Variants in MTA3 observed in about 807,000 individuals in gnomAD.
MTA3 encodes the protein metastasis-associated protein MTA3.
A neutral mutation model predicts 83.5 loss-of-function variants in MTA3; 34 were observed. That is an observed-to-expected ratio of 0.41 (90% CI 0.31 to 0.54). MTA3 has a LOEUF of 0.54. Ranked by LOEUF, MTA3 falls within the 20% of genes least tolerant of loss-of-function variation. The pLI, the probability that MTA3 is intolerant of heterozygous loss-of-function variation, is 0.33. For synonymous variants in MTA3, 303 were observed against 252.7 expected (o/e 1.20, Z -1.89); for missense variants, 761 against 726.4 (o/e 1.05, Z -0.55).
intron 3 of MTA3, among the ~76,000 whole-genome samples, chr2:42,582,262 G>T (rs1366797474): frequency 1.3e-5 from 2 of 152,004 alleles, no homozygotes; most frequent in Admixed American, 1.3e-4. Flanking sequence ...GTTTCACCGC[G>T]TTAGCCAGGA....
chr2:42,605,135 G>C (rs2104026972), intron 3 of MTA3, among the ~76,000 whole-genome samples: 1 of 149,792 alleles, frequency 6.7e-6, no homozygotes, highest in East Asian at 2.0e-4. Context: ...GGGCAGAGGG[G>C]CTCCTCACTT....
At chr2:42,709,686 A>G (rs185612829) in intron 14 of MTA3, 1 of 152,402 alleles carries the variant, frequency 6.6e-6, no homozygotes, top group East Asian at 1.9e-4. Context: ...AGTAAATTTT[A>G]AACTCATTTT....
chr2:42,498,122 A>G (rs765600729), intron 2 of MTA3, among the ~76,000 whole-genome samples: 1 of 152,204 alleles, frequency 6.6e-6, no homozygotes, highest in Non-Finnish European at 1.5e-5. Context: ...CAGCTTACTT[A>G]TCAACTCTGT....
intron 3 of MTA3, among the ~76,000 whole-genome samples, chr2:42,582,396 G>A (rs915319288): frequency 1.3e-5 from 2 of 152,152 alleles, no homozygotes; most frequent in African/African-American, 4.8e-5. Flanking sequence ...GTTGTAAATG[G>A]TGAATAAAAT....
At chr2:42,517,027 A>C (rs1172814099) in intron 2 of MTA3, among the ~76,000 whole-genome samples, 2 of 152,140 alleles carry the variant, frequency 1.3e-5, no homozygotes, top group Non-Finnish European at 2.9e-5. Flanking sequence ...TGGGAGGCCG[A>C]GGCGGGCAGA....
At chr2:42,544,590 T>C (rs566185976) in intron 2 of MTA3, among the ~76,000 whole-genome samples, 1 of 150,712 alleles carries the variant, frequency 6.6e-6, no homozygotes, top group Admixed American at 6.6e-5. Flanking sequence ...TCAGAGCAAG[T>C]GTTGGCCAGG....
chr2:42,562,453 A>C (rs1677713681), intron 2 of MTA3, among the ~76,000 whole-genome samples: 1 of 152,090 alleles, frequency 6.6e-6, no homozygotes, highest in Non-Finnish European at 1.5e-5. Context: ...AGGGCTGGGA[A>C]GAAGGAGTGA....
chr2:42,720,877 A>G (rs1667353729), intron 15 of MTA3, among the ~76,000 whole-genome samples: 1 of 146,454 alleles, frequency 6.8e-6, no homozygotes, highest in Admixed American at 7.1e-5. Flanking sequence ...GCTTGAGCCC[A>G]GGAGGCAGAG....
At chr2:42,639,428 T>A (rs752984580) in intron 4 of MTA3, among the ~76,000 whole-genome samples, 1 of 152,190 alleles carries the variant, frequency 6.6e-6, no homozygotes. Context: ...CGGATTTTTT[T>A]AGGCTAGTTA....
chr2:42,731,249 T>TC (rs1368255713), intron 16 of MTA3, among the ~76,000 whole-genome samples: 102 of 152,112 alleles, frequency 6.7e-4, no homozygotes, highest in African/African-American at 2.3e-3. Context: ...TATTTTGGAT[T>TC]TAGTTTGCTT....
chr2:42,631,273 C>A (rs1057173805), intron 4 of MTA3, among the ~76,000 whole-genome samples: 1 of 152,150 alleles, frequency 6.6e-6, no homozygotes, highest in East Asian at 1.9e-4. Context: ...AGGAAAAATA[C>A]AGTAAGTGGA....
intron 14 of MTA3, among the ~76,000 whole-genome samples, 167 bp from the exon 15 acceptor site, chr2:42,718,821 G>C (rs1667213233): frequency 6.6e-6 from 1 of 152,082 alleles, no homozygotes; most frequent in African/African-American, 2.4e-5. Context: ...TTTAGAAATT[G>C]GGAACCAGAA....
intron 2 of MTA3, among the ~76,000 whole-genome samples, 177 bp from the exon 3 acceptor site, chr2:42,578,930 A>G (rs1209129923): frequency 6.6e-6 from 1 of 152,220 alleles, no homozygotes; most frequent in Non-Finnish European, 1.5e-5. Context: ...GCTTGGAAGC[A>G]GAACAAATGT....
At position 42,658,840 on chromosome 2, in the gene MTA3, C is replaced by T. The variant is rs746063372; in HGVS notation, c.603-923C>T. The stretch of plus-strand genomic sequence containing the variant: ...CTATAATCCCAAAACTTTGGGAGGC[C>T]GAGGCGGGAGGATCACTTGAGCCCA... On this transcript the variant is annotated intron_variant, in intron 7 of 16. Transcript: ENST00000405094. Among the ~76,000 whole-genome samples, 17 of 151,198 alleles carry T rather than the reference C, an allele frequency of 1.1e-4. No individual in the cohort carries two copies. In the East Asian group the frequency reaches 1.4e-3, roughly 12 times the overall value.
chr2:42,617,934 CTT>C (rs201817939), intron 4 of MTA3, among the ~76,000 whole-genome samples: 3 of 151,472 alleles, frequency 2.0e-5, no homozygotes, highest in Admixed American at 2.0e-4. Flanking sequence ...GAAAACAACT[CTT>C]TTTTTAAAAA....
At chr2:42,689,380 A>AT (rs1302988397) in intron 9 of MTA3, among the ~76,000 whole-genome samples, 1 of 152,056 alleles carries the variant, frequency 6.6e-6, no homozygotes, top group Non-Finnish European at 1.5e-5. Flanking sequence ...TTTCCTTGTA[A>AT]TATTTTTGGT....
At chr2:42,507,969 A>G (rs1410814858) in intron 2 of MTA3, among the ~76,000 whole-genome samples, 2 of 151,410 alleles carry the variant, frequency 1.3e-5, no homozygotes, top group Admixed American at 6.6e-5. Context: ...AAAGAAAGAA[A>G]CCTAGTTAAA....
At chr2:42,610,622 C>CT (rs1200532219) in intron 4 of MTA3, among the ~76,000 whole-genome samples, 3 of 152,070 alleles carry the variant, frequency 2.0e-5, no homozygotes, top group Admixed American at 6.6e-5. Flanking sequence ...TATTGTTGAG[C>CT]TTTTTTTCAT....
chr2:42,655,546 T>C (rs538236897), intron 6 of MTA3, among the ~76,000 whole-genome samples: 34 of 152,352 alleles, frequency 2.2e-4, no homozygotes, highest in African/African-American at 3.1e-4. Flanking sequence ...TTATTCTATT[T>C]ATTTGGTTTA....
Sources: gnomAD v4.1 joint callset for allele counts (sites outside exome capture counted in the v4.1 genomes callset) on GRCh38, gnomAD v4.1.1 for gene constraint, MANE v1.5 for transcripts, NCBI Gene and HGNC (gene_info 2026-07-23, HGNC 2026-07-21) for gene names.